The following SH3BGRL2 variants were observed in gnomAD, a reference collection of about 807,000 sequenced individuals.
SH3BGRL2 encodes SH3 domain binding glutamate rich protein like 2, also known as SH3 domain-binding glutamic acid-rich-like protein 2.
A neutral mutation model predicts 14.8 loss-of-function variants in SH3BGRL2; 21 were observed. The observed-to-expected ratio is 1.42, with a 90% CI of 1.01 to 2.05. SH3BGRL2 has a LOEUF of 2.05. Among genes scored for constraint, SH3BGRL2 ranks in the 30% most tolerant of loss-of-function variants. The probability of loss-of-function intolerance (pLI) is 0.00; values close to 1 mark genes in which losing one functional copy is unlikely to be tolerated. For missense variants in SH3BGRL2, 147 were observed against 130.8 expected (o/e 1.12, Z -0.61); for synonymous variants, 50 against 47.8 (o/e 1.05, Z -0.19).
chr6:79,695,407 G>A (rs916158417), intron 2 of SH3BGRL2, among the ~76,000 whole-genome samples: 34 of 152,192 alleles, frequency 2.2e-4, no homozygotes, highest in African/African-American at 7.2e-4. Context: ...AATCAGACAA[G>A]GCATGCGTTG....
the SH3BGRL2 span, among the ~76,000 whole-genome samples, chr6:79,591,959 C>G: frequency 6.6e-6 from 1 of 152,130 alleles, no homozygotes; most frequent in African/African-American, 2.4e-5. Flanking sequence ...AACTCATGAC[C>G]TCATAGGTCT....
the SH3BGRL2 span, among the ~76,000 whole-genome samples, chr6:79,542,270 T>C: frequency 1.1e-4 from 7 of 64,456 alleles, no homozygotes; most frequent in Admixed American, 4.9e-4. Context: ...TATATCCTAC[T>C]TTTTTTTTTT....
chr6:79,625,848 T>A, the SH3BGRL2 span, among the ~76,000 whole-genome samples: 1 of 152,226 alleles, frequency 6.6e-6, no homozygotes, highest in African/African-American at 2.4e-5. Flanking sequence ...AGCTGTGACA[T>A]TAATGCAGGT....
chr6:79,575,762 C>T, the SH3BGRL2 span, among the ~76,000 whole-genome samples: 1 of 151,470 alleles, frequency 6.6e-6, no homozygotes, highest in Non-Finnish European at 1.5e-5. Context: ...TCAGAAAATT[C>T]CCATATAGCT....
chr6:79,604,561 T>G, the SH3BGRL2 span, among the ~76,000 whole-genome samples: 1 of 152,228 alleles, frequency 6.6e-6, no homozygotes, highest in East Asian at 1.9e-4. Flanking sequence ...CTAATCCATC[T>G]TCCTGGGGGC....
chr6:79,675,184 T>C (rs1219265441), intron 2 of SH3BGRL2, among the ~76,000 whole-genome samples: 2 of 152,180 alleles, frequency 1.3e-5, no homozygotes, highest in Admixed American at 6.5e-5. Context: ...CTAGCAGTTT[T>C]CTGTCCCTCG....
At chr6:79,543,434 TC>T in the SH3BGRL2 span, among the ~76,000 whole-genome samples, 1 of 152,176 alleles carries the variant, frequency 6.6e-6, no homozygotes, top group Non-Finnish European at 1.5e-5. Flanking sequence ...AAAGTAATGG[TC>T]CCAGGTAGCC....
the SH3BGRL2 span, among the ~76,000 whole-genome samples, chr6:79,608,684 A>C: frequency 6.6e-6 from 1 of 152,102 alleles, no homozygotes; most frequent in Admixed American, 6.5e-5. Context: ...TGACAAATAA[A>C]ATTTTTGTTG....
intron 1 of SH3BGRL2, among the ~76,000 whole-genome samples, chr6:79,652,946 T>G (rs1221219715): frequency 2.0e-5 from 3 of 152,086 alleles, no homozygotes; most frequent in Non-Finnish European, 4.4e-5. Flanking sequence ...AAATCAATGA[T>G]AAATGTATAT....
At chr6:79,574,045 AT>A in the SH3BGRL2 span, 2 of 152,200 alleles carry the variant, frequency 1.3e-5, no homozygotes, top group Non-Finnish European at 2.9e-5. Context: ...TGAGCCCCTT[AT>A]AGTTCTTAGC....
At chr6:79,679,256 G>C (rs1769943357) in intron 2 of SH3BGRL2, among the ~76,000 whole-genome samples, 1 of 152,038 alleles carries the variant, frequency 6.6e-6, no homozygotes, top group African/African-American at 2.4e-5. Flanking sequence ...CCTTTTCTCT[G>C]TAGCCCTGCC....
chr6:79,699,522 G>T lies in SH3BGRL2; in HGVS notation c.*13G>T. 8.6e-7 allele frequency: 1 copy of T among 1,159,864 alleles called. No individual in the cohort carries two copies. The highest frequency in any genetic ancestry group is 2.7e-5 in the East Asian group (1 of 36,554). 71.8% of individuals were successfully genotyped at this position (1,159,864 alleles called of 1,614,324 possible). A position where few individuals can be genotyped will look rare whatever the true frequency, so the allele number is the denominator to read the frequency against. On this transcript the variant is annotated 3_prime_UTR_variant, in exon 4 of 4. Transcript: ENST00000369838. ...GGCAGAACCTTAGAGAAGAAGAGTGGAAGATGACGGAGATGCATTTTGAAG... is the reference window on the plus strand; with the variant it reads ...GGCAGAACCTTAGAGAAGAAGAGTGTAAGATGACGGAGATGCATTTTGAAG...
chr6:79,630,171 A>G (rs1278956848), upstream of SH3BGRL2, among the ~76,000 whole-genome samples: 4 of 152,212 alleles, frequency 2.6e-5, no homozygotes, highest in African/African-American at 9.6e-5. Context: ...TTCCTACTAC[A>G]GAAATGGCTT....
chr6:79,538,033 T>G, the SH3BGRL2 span, among the ~76,000 whole-genome samples: 107 of 134,954 alleles, frequency 7.9e-4, 2 homozygotes, highest in East Asian at 0.019. Context: ...TTTTTTTTTT[T>G]TTTTTTTTTT....
chr6:79,652,316 A>C (rs770736500), intron 1 of SH3BGRL2, among the ~76,000 whole-genome samples: 5 of 152,190 alleles, frequency 3.3e-5, no homozygotes, highest in Admixed American at 3.3e-4. Flanking sequence ...AAACTTTTAT[A>C]GCGACTTTAC....
chr6:79,675,746 ATGT>A (rs1769868205), intron 2 of SH3BGRL2, among the ~76,000 whole-genome samples: 1 of 152,078 alleles, frequency 6.6e-6, no homozygotes, highest in East Asian at 1.9e-4. Context: ...CTTTTAAATA[ATGT>A]TGTATTTCTA....
At chr6:79,686,052 A>G (rs948899657) in intron 2 of SH3BGRL2, among the ~76,000 whole-genome samples, 4 of 152,198 alleles carry the variant, frequency 2.6e-5, no homozygotes, top group Non-Finnish European at 5.9e-5. Flanking sequence ...GACTAGATTT[A>G]AAACCAAGTT....
chr6:79,624,203 T>C, the SH3BGRL2 span, among the ~76,000 whole-genome samples: 1 of 151,580 alleles, frequency 6.6e-6, no homozygotes, highest in African/African-American at 2.4e-5. Flanking sequence ...TATTTTATTA[T>C]AGTGTTGTCA....
intron 1 of SH3BGRL2, among the ~76,000 whole-genome samples, chr6:79,641,432 A>T (rs1769032024): frequency 6.6e-6 from 1 of 152,030 alleles, no homozygotes. Context: ...TTTATATTCA[A>T]CCCATGCACC....
Sources: gnomAD v4.1 joint callset for allele counts (sites outside exome capture counted in the v4.1 genomes callset) on GRCh38, gnomAD v4.1.1 for gene constraint, MANE v1.5 for transcripts, NCBI Gene and HGNC (gene_info 2026-07-23, HGNC 2026-07-21) for gene names.